SPAG17: variants seen among roughly 807,000 people sequenced by gnomAD.
SPAG17 encodes the protein sperm-associated antigen 17.
In SPAG17, 169 loss-of-function variants were observed where a neutral mutation model predicts 273.6. The observed-to-expected ratio is 0.62, with a 90% CI of 0.55 to 0.70. The LOEUF (loss-of-function observed/expected upper bound fraction) is 0.70. SPAG17 is among the 30% of genes least tolerant of loss of function. The pLI, the probability that SPAG17 is intolerant of heterozygous loss-of-function variation, is 0.00. For missense variants in SPAG17, 2,557 were observed against 2,627.8 expected (o/e 0.97, Z 0.59); for synonymous variants, 825 against 873.2 (o/e 0.94, Z 0.97).
intron 26 of SPAG17, among the ~76,000 whole-genome samples, chr1:118,026,852 A>G (rs931538676): frequency 3.9e-5 from 6 of 152,202 alleles, no homozygotes; most frequent in Admixed American, 6.5e-5. Flanking sequence ...GTCTTTCCCT[A>G]AAGTCCAAGA....
chr1:118,054,767 G>A (rs1046656808), intron 19 of SPAG17, among the ~76,000 whole-genome samples: 1 of 151,066 alleles, frequency 6.6e-6, no homozygotes, highest in African/African-American at 2.4e-5. Context: ...TCTCCTTCTG[G>A]GTCCCCATCA....
At chr1:118,016,525 A>G (rs542711266) in intron 28 of SPAG17, among the ~76,000 whole-genome samples, 1 of 152,146 alleles carries the variant, frequency 6.6e-6, no homozygotes, top group African/African-American at 2.4e-5. Flanking sequence ...TGGGTTTTGT[A>G]TTCTGGTTTT....
intron 48 of SPAG17, among the ~76,000 whole-genome samples, chr1:117,956,700 G>T (rs138800555): frequency 0.013 from 1,952 of 152,224 alleles, 36 homozygotes; most frequent in South Asian, 0.092. Flanking sequence ...TAGCATTGGT[G>T]TCAGGATCAA....
chr1:118,097,660 G>T lies in SPAG17; in HGVS notation c.1011+10C>A. On this transcript the variant is annotated intron_variant, in intron 7 of 48. Coordinates refer to ENST00000336338, the MANE Select transcript of SPAG17 (RefSeq NM_206996.4). ...TAAAACCATGCACTCTCAGTAATGT[G>T]TGTACTAACCATCATCTCACCATCT... is the stretch of plus-strand genomic sequence containing the variant. 14 of 1,578,364 alleles carry T rather than the reference G, an allele frequency of 8.9e-6. No homozygotes were observed. The highest frequency in any genetic ancestry group is 1.2e-5 in the Non-Finnish European group (14 of 1,166,080).
intron 48 of SPAG17, chr1:117,962,906 G>C (rs970760046): frequency 1.1e-4 from 16 of 152,258 alleles, no homozygotes; most frequent in African/African-American, 3.9e-4. Flanking sequence ...TTCAGAAAGA[G>C]AGGGAGGTTG....
intron 7 of SPAG17, among the ~76,000 whole-genome samples, chr1:118,095,952 G>A (rs1240802016): frequency 6.6e-6 from 1 of 152,140 alleles, no homozygotes; most frequent in Non-Finnish European, 1.5e-5. Context: ...CAAGGACAAA[G>A]GGAGTTTGGA....
intron 1 of SPAG17, among the ~76,000 whole-genome samples, chr1:118,166,921 A>G (rs1166308853): frequency 6.6e-6 from 1 of 152,224 alleles, no homozygotes; most frequent in Non-Finnish European, 1.5e-5. Context: ...AGTCAGGACC[A>G]TAAATCTACA....
chr1:118,000,088 C>G (rs1658106336), intron 32 of SPAG17, among the ~76,000 whole-genome samples: 1 of 152,138 alleles, frequency 6.6e-6, no homozygotes, highest in South Asian at 2.1e-4. Flanking sequence ...GAATCCTTTC[C>G]CCATTTCTTA....
At chr1:117,964,840 T>G (rs190451375) in intron 47 of SPAG17, 11 of 152,252 alleles carry the variant, frequency 7.2e-5, no homozygotes, top group Admixed American at 2.0e-4. Flanking sequence ...CCTCGGAATA[T>G]CTGAATCATC....
rs1571096608 is a variant in SPAG17, at chr1:117,970,135, A to C, written c.6327-19T>G. The C allele has an allele frequency of 1.2e-6, 2 of 1,606,270 alleles. No homozygotes were observed. The highest frequency in any genetic ancestry group is 1.7e-6 in the Non-Finnish European group (2 of 1,177,254). ...TTTAAACCTACAAGGCAGAAAGATA[A>C]AAATAAATTTATGACATAATGAAAC... On this transcript the variant is annotated intron_variant, in intron 45 of 48. Transcript: ENST00000336338.
Position 118,022,128 on chromosome 1 carries a change from C to A in SPAG17, c.4069+1176G>T, listed in dbSNP as rs185186154. ...AGAAAAGTTTGTAAGGCAGGAGAGG[C>A]AGCGTAATTTAGGGGTTAGGGACCC... is the stretch of plus-strand genomic sequence containing the variant. On this transcript the variant is annotated intron_variant, in intron 28 of 48. Transcript: ENST00000336338. 5.9e-5 allele frequency among the ~76,000 whole-genome samples: 9 copies of A among 152,166 alleles called. No individual in the cohort carries two copies. In the East Asian group the frequency reaches 1.7e-3, roughly 29 times the overall value.
In SPAG17 at chr1:118,075,082, C is replaced by T. The variant is rs116607945; in HGVS notation, c.2210-482G>A. ...AGGCACTGGCAGATAAGTGCACTTCCTATTGGAAAATGATACGCTTTCACC... is the reference window on the plus strand; with the variant it reads ...AGGCACTGGCAGATAAGTGCACTTCTTATTGGAAAATGATACGCTTTCACC... On this transcript the variant is annotated intron_variant, in intron 15 of 48. Transcript: ENST00000336338. Among the ~76,000 whole-genome samples the T allele has an allele frequency of 4.2e-3, 646 of 152,298 alleles. 4 individuals are homozygous for T. The highest frequency in any genetic ancestry group is 0.015 in the African/African-American group (614 of 41,562).
chr1:118,069,344 C>CAAAAAAAAAAAAAAAAAAAAAAAAA (rs563980015), intron 17 of SPAG17, among the ~76,000 whole-genome samples: 7 of 86,144 alleles, frequency 8.1e-5, no homozygotes, highest in Middle Eastern at 6.8e-3. Flanking sequence ...GACTCCGTCT[C>CAAAAAAAAAAAAAAAAAAAAAAAAA]AAAAAAAAAA....
chr1:117,973,673 C>A, intron 43 of SPAG17, 112 bp from the exon 44 acceptor site: 3 of 975,120 alleles, frequency 3.1e-6, no homozygotes, highest in Admixed American at 2.8e-5. Context: ...TTTTTCTTTG[C>A]TTTTCAAAGA....
intron 15 of SPAG17, 79 bp downstream of exon 15, chr1:118,081,022 A>T (rs1570652475): frequency 1.8e-6 from 2 of 1,140,574 alleles, no homozygotes; most frequent in Non-Finnish European, 1.3e-6. Flanking sequence ...ATGCATCTTA[A>T]ACATTTTTTG....
rs573048970 is a variant in SPAG17 at position 117,958,787 on chromosome 1, C to T, written c.*1-4738G>A. 333 of 425,808 alleles carry T rather than the reference C, an allele frequency of 7.8e-4. 2 individuals are homozygous for T. Among genetic ancestry groups the T allele is most frequent in the African/African-American group, 6.3e-3 (264 of 41,754 alleles). The allele number at this position is 425,808 out of a possible 1,614,324, so 26.4% of individuals were successfully genotyped here. On this transcript the variant is annotated intron_variant, in intron 48 of 48. Transcript: ENST00000336338. ...TTTGGCTTTTTTTTTTTTTTTTGCT[C>T]GAAACATTTCTATAATGTATATTTT...
intron 3 of SPAG17, among the ~76,000 whole-genome samples, chr1:118,142,175 T>C (rs146904632): frequency 6.6e-6 from 1 of 152,318 alleles, no homozygotes; most frequent in African/African-American, 2.4e-5. Context: ...TTCTGACACA[T>C]GGTACAACAT....
At chr1:118,094,856 G>A (rs1260489625) in intron 7 of SPAG17, among the ~76,000 whole-genome samples, 6 of 152,026 alleles carry the variant, frequency 3.9e-5, no homozygotes, top group Admixed American at 3.9e-4. Flanking sequence ...ACTACAGTTG[G>A]ACCCAGACCA....
At chr1:118,093,046 A>C in intron 8 of SPAG17, 110 bp downstream of exon 8, 1 of 1,166,898 alleles carries the variant, frequency 8.6e-7, no homozygotes, top group Non-Finnish European at 1.2e-6. Context: ...AGGCAGTATG[A>C]CCTTAATGTA....
Sources: allele counts gnomAD v4.1 joint callset (sites outside exome capture counted in the v4.1 genomes callset), GRCh38; gene constraint gnomAD v4.1.1; transcripts MANE v1.5; gene names NCBI Gene and HGNC (gene_info 2026-07-23, HGNC 2026-07-21).